LGSN: variants seen among roughly 807,000 people sequenced by gnomAD.
LGSN encodes lengsin, lens protein with glutamine synthetase domain, also known as lengsin.
Under a neutral mutation model 19.5 loss-of-function variants are expected in LGSN, and 21 were observed. That is an observed-to-expected ratio of 1.07 (90% CI 0.76 to 1.55). The LOEUF (loss-of-function observed/expected upper bound fraction) is 1.55. LGSN is among the 40% of genes most tolerant of loss of function. The pLI, the probability that LGSN is intolerant of heterozygous loss-of-function variation, is 0.00. For synonymous variants in LGSN, 257 were observed against 215.6 expected (o/e 1.19, Z -1.68); for missense variants, 673 against 608.5 (o/e 1.11, Z -1.12).
At chr6:63,494,019 G>A in the LGSN span, among the ~76,000 whole-genome samples, 1 of 141,950 alleles carries the variant, frequency 7.0e-6, no homozygotes, top group African/African-American at 2.7e-5. Flanking sequence ...GCTCAATCTT[G>A]GCTCACTGCA....
At chr6:63,441,796 G>T in the LGSN span, 24,497 of 333,244 alleles carry the variant, frequency 0.074, 2,239 homozygotes, top group African/African-American at 0.29. Flanking sequence ...CTCGTTTCTG[G>T]GCTGTGCTGA....
chr6:63,417,357 G>T, the LGSN span, among the ~76,000 whole-genome samples: 1 of 152,100 alleles, frequency 6.6e-6, no homozygotes, highest in Non-Finnish European at 1.5e-5. Flanking sequence ...TGAAGTTTGA[G>T]TTTCAGCTTT....
At chr6:63,447,938 T>A in the LGSN span, among the ~76,000 whole-genome samples, 1 of 152,310 alleles carries the variant, frequency 6.6e-6, no homozygotes, top group South Asian at 2.1e-4. Context: ...AAAATTTAGA[T>A]GCCATCCTAC....
chr6:63,477,082 A>G, the LGSN span, among the ~76,000 whole-genome samples: 1 of 152,206 alleles, frequency 6.6e-6, no homozygotes, highest in East Asian at 1.9e-4. Flanking sequence ...TTTTTCTGAT[A>G]CCAAAACTGT....
the LGSN span, among the ~76,000 whole-genome samples, chr6:63,525,499 T>C: frequency 6.6e-6 from 1 of 152,202 alleles, no homozygotes; most frequent in Non-Finnish European, 1.5e-5. Flanking sequence ...GGTTCCAGTT[T>C]CCACTATTTC....
the LGSN span, among the ~76,000 whole-genome samples, chr6:63,448,178 A>G: frequency 6.6e-6 from 1 of 152,228 alleles, no homozygotes; most frequent in Non-Finnish European, 1.5e-5. Context: ...CACCATGCTA[A>G]TATAGAACAT....
chr6:63,558,817 G>A, the LGSN span, among the ~76,000 whole-genome samples: 1 of 152,182 alleles, frequency 6.6e-6, no homozygotes, highest in African/African-American at 2.4e-5. Flanking sequence ...AGGAAGACAA[G>A]CCATCCCAGG....
the LGSN span, among the ~76,000 whole-genome samples, chr6:63,355,209 A>G: frequency 6.6e-6 from 1 of 152,238 alleles, no homozygotes; most frequent in Admixed American, 6.5e-5. Context: ...ATATAACAAA[A>G]TATCACATGT....
At chr6:63,478,166 C>T in the LGSN span, among the ~76,000 whole-genome samples, 1 of 152,022 alleles carries the variant, frequency 6.6e-6, no homozygotes, top group Non-Finnish European at 1.5e-5. Context: ...CTGAACCTAC[C>T]TAAATTTGAA....
At chr6:63,469,748 C>T in the LGSN span, among the ~76,000 whole-genome samples, 10 of 152,070 alleles carry the variant, frequency 6.6e-5, no homozygotes, top group Admixed American at 3.9e-4. Flanking sequence ...GTTTTTGAAA[C>T]GGAGTTTCAA....
At chr6:63,327,721 GT>G in the LGSN span, among the ~76,000 whole-genome samples, 2 of 152,174 alleles carry the variant, frequency 1.3e-5, no homozygotes, top group East Asian at 1.9e-4. Context: ...AGGGTACACT[GT>G]TTTTTCTTTA....
At chr6:63,370,094 C>T in the LGSN span, among the ~76,000 whole-genome samples, 1 of 152,130 alleles carries the variant, frequency 6.6e-6, no homozygotes, top group African/African-American at 2.4e-5. Context: ...TGGAGATTTA[C>T]AGACATTAGA....
chr6:63,318,097 T>A (rs1198323114), intron 1 of LGSN, among the ~76,000 whole-genome samples: 1 of 152,210 alleles, frequency 6.6e-6, no homozygotes. Context: ...GCTGAATGCA[T>A]GACTTTACAG....
chr6:63,469,822 T>A, the LGSN span, among the ~76,000 whole-genome samples: 4 of 152,172 alleles, frequency 2.6e-5, no homozygotes, highest in African/African-American at 9.6e-5. Context: ...GTACAAGCGA[T>A]TCTCCTGCCT....
the LGSN span, among the ~76,000 whole-genome samples, chr6:63,468,509 C>T: frequency 8.5e-5 from 13 of 152,104 alleles, no homozygotes; most frequent in Non-Finnish European, 1.6e-4. Context: ...TTCACTGCAG[C>T]CTCTGCCTCC....
chr6:63,514,864 C>A, the LGSN span, among the ~76,000 whole-genome samples: 1 of 151,946 alleles, frequency 6.6e-6, no homozygotes, highest in Non-Finnish European at 1.5e-5. Context: ...CCACACCAAG[C>A]TAATTTTTTT....
the LGSN span, among the ~76,000 whole-genome samples, chr6:63,493,331 A>C: frequency 6.6e-6 from 1 of 152,242 alleles, no homozygotes; most frequent in Non-Finnish European, 1.5e-5. Context: ...TCTTAACAAA[A>C]TTTAATGAAA....
At chr6:63,282,202 A>G (rs1490840108) in intron 3 of LGSN, among the ~76,000 whole-genome samples, 1 of 152,260 alleles carries the variant, frequency 6.6e-6, no homozygotes, top group Admixed American at 6.5e-5. Flanking sequence ...ATTATGTATT[A>G]GAAATATCAA....
chr6:63,456,395 T>TTTC, the LGSN span, among the ~76,000 whole-genome samples: 3 of 73,070 alleles, frequency 4.1e-5, 1 homozygote, highest in African/African-American at 2.5e-4. Context: ...ATATATATAC[T>TTTC]TTTTTTTTTT....
Sources: allele counts gnomAD v4.1 joint callset (sites outside exome capture counted in the v4.1 genomes callset), GRCh38; gene constraint gnomAD v4.1.1; transcripts MANE v1.5; gene names NCBI Gene and HGNC (gene_info 2026-07-23, HGNC 2026-07-21).